CNTN3: variants seen among roughly 807,000 people sequenced by gnomAD.
The protein encoded by CNTN3 is contactin-3.
Under a neutral mutation model 119.1 loss-of-function variants are expected in CNTN3, and 60 were observed. The observed-to-expected ratio is 0.50, with a 90% CI of 0.41 to 0.62. The LOEUF (loss-of-function observed/expected upper bound fraction) is 0.62. Among genes scored for constraint, CNTN3 ranks in the 20% least tolerant of loss-of-function variants. The pLI is 0.00. For synonymous variants in CNTN3, 450 were observed against 438.7 expected, an observed-to-expected ratio of 1.03 and a Z score of -0.32; for missense variants, 1,101 against 1,242.4, an observed-to-expected ratio of 0.89 and a Z score of 1.71.
chr3:74,446,145 A>G (rs1396224572), intron 4 of CNTN3, among the ~76,000 whole-genome samples: 1 of 152,002 alleles, frequency 6.6e-6, no homozygotes, highest in African/African-American at 2.4e-5. Context: ...TAGTTGTGTA[A>G]CTCTGGACCA....
At chr3:74,403,595 T>G (rs1705251630) in intron 5 of CNTN3, among the ~76,000 whole-genome samples, 1 of 152,172 alleles carries the variant, frequency 6.6e-6, no homozygotes, top group Admixed American at 6.6e-5. Flanking sequence ...TTAAACTTCC[T>G]CTACAACATC....
intron 2 of CNTN3, among the ~76,000 whole-genome samples, chr3:74,501,564 A>G (rs1413709654): frequency 6.6e-6 from 1 of 152,084 alleles, no homozygotes; most frequent in Non-Finnish European, 1.5e-5. Flanking sequence ...CCTTTTAGCA[A>G]ATTATCAAAA....
At chr3:74,402,713 A>T (rs925671598) in intron 5 of CNTN3, among the ~76,000 whole-genome samples, 14 of 152,192 alleles carry the variant, frequency 9.2e-5, no homozygotes, top group Non-Finnish European at 1.3e-4. Context: ...AAATAAATAC[A>T]ATATAATGGA....
intron 1 of CNTN3, among the ~76,000 whole-genome samples, chr3:74,594,359 T>C (rs1351160383): frequency 1.3e-5 from 2 of 151,378 alleles, no homozygotes; most frequent in African/African-American, 4.9e-5. Flanking sequence ...TATTTACATA[T>C]GTATACATGT....
chr3:74,449,293 A>G (rs1702103576), intron 4 of CNTN3, among the ~76,000 whole-genome samples: 1 of 152,102 alleles, frequency 6.6e-6, no homozygotes, highest in South Asian at 2.1e-4. Context: ...AATCATTTTT[A>G]GAGGAGGTTC....
At chr3:74,552,872 C>T (rs1704012074) in intron 1 of CNTN3, among the ~76,000 whole-genome samples, 1 of 152,152 alleles carries the variant, frequency 6.6e-6, no homozygotes. Context: ...CCACTTCTGC[C>T]ACGATTGGAA....
At chr3:74,509,022 C>A (rs986547742) in intron 2 of CNTN3, among the ~76,000 whole-genome samples, 1 of 152,152 alleles carries the variant, frequency 6.6e-6, no homozygotes, top group Non-Finnish European at 1.5e-5. Context: ...ACCTCTGTAG[C>A]CTCAGGGAGA....
At chr3:74,407,712 T>G (rs1371445769) in intron 5 of CNTN3, among the ~76,000 whole-genome samples, 1 of 151,996 alleles carries the variant, frequency 6.6e-6, no homozygotes, top group African/African-American at 2.4e-5. Flanking sequence ...GCATTGAACA[T>G]CCTGACTTCA....
intron 13 of CNTN3, among the ~76,000 whole-genome samples, chr3:74,329,649 C>A (rs1575730350): frequency 6.6e-6 from 1 of 152,128 alleles, no homozygotes; most frequent in African/African-American, 2.4e-5. Context: ...CTTCACATAC[C>A]AGTCAACAGT....
In CNTN3 at chr3:74,437,937, G is replaced by A. The variant is rs569416790; in HGVS notation, c.359-12997C>T. ...CTCACATAAAACATTATCAAATAAAGAAAGCTGTATTTTCAAGACTATTAC... is the reference window on the plus strand; with the variant it reads ...CTCACATAAAACATTATCAAATAAAAAAAGCTGTATTTTCAAGACTATTAC... On this transcript the variant is annotated intron_variant, in intron 4 of 22. Transcript: ENST00000263665. 8.5e-5 allele frequency among the ~76,000 whole-genome samples: 13 copies of A among 152,238 alleles called. No individual in the cohort carries two copies. In the South Asian group the frequency reaches 2.7e-3, roughly 32 times the overall value.
intron 13 of CNTN3, among the ~76,000 whole-genome samples, chr3:74,318,414 T>C (rs571047750): frequency 3.3e-5 from 5 of 152,328 alleles, no homozygotes; most frequent in African/African-American, 1.2e-4. Flanking sequence ...AGAGGCGCTC[T>C]GATTTTTAGA....
chr3:74,336,775 C>T (rs1703405322), intron 11 of CNTN3, 117 bp from the exon 12 acceptor site: 1 of 756,566 alleles, frequency 1.3e-6, no homozygotes, highest in Non-Finnish European at 2.0e-6. Flanking sequence ...GCATGATCAA[C>T]CAGTCCTTAG....
chr3:74,572,145 G>A (rs1298972579), intron 1 of CNTN3, among the ~76,000 whole-genome samples: 1 of 152,170 alleles, frequency 6.6e-6, no homozygotes, highest in African/African-American at 2.4e-5. Flanking sequence ...ACACTGGTGG[G>A]AAGTAAGCCA....
chr3:74,336,145 A>C (rs565368654), intron 12 of CNTN3, among the ~76,000 whole-genome samples: 1 of 152,252 alleles, frequency 6.6e-6, no homozygotes, highest in East Asian at 1.9e-4. Context: ...ACTTTAAGCA[A>C]TTCTTATTTA....
intron 13 of CNTN3, among the ~76,000 whole-genome samples, chr3:74,318,652 C>T (rs911666154): frequency 2.6e-4 from 40 of 152,126 alleles, no homozygotes; most frequent in African/African-American, 5.1e-4. Context: ...TGCAGAACAG[C>T]GGTGGCTGTA....
chr3:74,460,834 CTT>C (rs534972163), intron 4 of CNTN3, among the ~76,000 whole-genome samples: 1 of 72,770 alleles, frequency 1.4e-5, no homozygotes, highest in African/African-American at 5.2e-5. Context: ...TCATTTCTTT[CTT>C]TTTTTTTTGC....
chr3:74,443,848 G>C lies in CNTN3; in HGVS notation c.359-18908C>G, dbSNP rs531551068. 3.9e-5 allele frequency among the ~76,000 whole-genome samples: 6 copies of C among 152,210 alleles called. No homozygotes were observed. The East Asian group carries it at 1.2e-3, about 30-fold the overall frequency. On this transcript the variant is annotated intron_variant, in intron 4 of 22. Coordinates refer to ENST00000263665, the MANE Select transcript of CNTN3 (RefSeq NM_020872.3). Reference sequence around the variant, plus strand: ...CAAGACACAATACTTAGTGGGTGGTGCATCAGTTTTCCAGGGCTGCCACAG... The same window carrying C: ...CAAGACACAATACTTAGTGGGTGGTCCATCAGTTTTCCAGGGCTGCCACAG...
chr3:74,582,732 T>G (rs1388820815), intron 1 of CNTN3, among the ~76,000 whole-genome samples: 1 of 152,004 alleles, frequency 6.6e-6, no homozygotes, highest in African/African-American at 2.4e-5. Context: ...CTGGTAGGAA[T>G]GTAAAATGGT....
At chr3:74,369,768 C>T (rs951492447) in intron 7 of CNTN3, 121 bp downstream of exon 7, 2 of 589,684 alleles carry the variant, frequency 3.4e-6, no homozygotes, top group African/African-American at 2.0e-5. Flanking sequence ...TTTGTTTTTC[C>T]TTTGCCTCAA....
Sources: gnomAD v4.1 joint callset for allele counts (sites outside exome capture counted in the v4.1 genomes callset) on GRCh38, gnomAD v4.1.1 for gene constraint, MANE v1.5 for transcripts, NCBI Gene and HGNC (gene_info 2026-07-23, HGNC 2026-07-21) for gene names.